The following BRD10 variants were observed in gnomAD, a reference collection of about 807,000 sequenced individuals.
BRD10 encodes the protein uncharacterized bromodomain-containing protein 10.
At chr9:5,954,720 A>C in the BRD10 span, among the ~76,000 whole-genome samples, 1 of 152,222 alleles carries the variant, frequency 6.6e-6, no homozygotes, top group Non-Finnish European at 1.5e-5. Context: ...TCATACTTAG[A>C]GCCAATTCAC....
chr9:5,920,691 G>A, the BRD10 span: 3 of 1,613,834 alleles, frequency 1.9e-6, no homozygotes, highest in East Asian at 2.2e-5. Context: ...GTGGCTCCTG[G>A]TACTGCTGCC....
chr9:5,949,681 AGG>A, the BRD10 span, among the ~76,000 whole-genome samples: 4 of 152,176 alleles, frequency 2.6e-5, no homozygotes, highest in Non-Finnish European at 5.9e-5. Flanking sequence ...AAGCAGACTT[AGG>A]GTAACTAAGG....
At chr9:6,001,393 T>C in the BRD10 span, among the ~76,000 whole-genome samples, 2 of 152,240 alleles carry the variant, frequency 1.3e-5, no homozygotes, top group African/African-American at 2.4e-5. Context: ...CGGTACTTTA[T>C]GATTGGCCCC....
At chr9:5,969,370 T>C in the BRD10 span, 1 of 1,608,684 alleles carries the variant, frequency 6.2e-7, no homozygotes, top group Middle Eastern at 1.7e-4. Context: ...CTAGAAGTTT[T>C]CTTTCCCATT....
the BRD10 span, among the ~76,000 whole-genome samples, chr9:5,934,586 G>T: frequency 6.6e-6 from 1 of 151,932 alleles, no homozygotes; most frequent in African/African-American, 2.4e-5. Flanking sequence ...GGCTGGTCTT[G>T]AACTTCTGAC....
At chr9:5,947,188 C>T in the BRD10 span, among the ~76,000 whole-genome samples, 1 of 152,058 alleles carries the variant, frequency 6.6e-6, no homozygotes, top group Non-Finnish European at 1.5e-5. Context: ...GTAAACTGTA[C>T]TAAATTAGTA....
the BRD10 span, among the ~76,000 whole-genome samples, chr9:5,975,096 G>A: frequency 6.6e-6 from 1 of 152,030 alleles, no homozygotes; most frequent in Non-Finnish European, 1.5e-5. Flanking sequence ...GACCCATGAT[G>A]AGAAAAATCA....
At chr9:5,941,967 A>T in the BRD10 span, among the ~76,000 whole-genome samples, 9 of 152,038 alleles carry the variant, frequency 5.9e-5, no homozygotes, top group African/African-American at 1.9e-4. Context: ...CACACGTGTA[A>T]TTTCTATCTT....
chr9:5,928,826 G>A, the BRD10 span, among the ~76,000 whole-genome samples: 1 of 103,182 alleles, frequency 9.7e-6, no homozygotes, highest in East Asian at 2.1e-4. Flanking sequence ...ATTTGAGTGT[G>A]TTTTTTTCCA....
chr9:5,963,905 C>T, the BRD10 span, among the ~76,000 whole-genome samples: 1 of 151,462 alleles, frequency 6.6e-6, no homozygotes, highest in Non-Finnish European at 1.5e-5. Flanking sequence ...AAAATCAATT[C>T]AAGATGGATT....
chr9:5,954,146 T>G, the BRD10 span: 1 of 1,025,374 alleles, frequency 9.8e-7, no homozygotes, highest in Non-Finnish European at 1.5e-6. Context: ...TAGCACTTCA[T>G]TAACAAAAAA....
the BRD10 span, chr9:5,922,007 G>C: frequency 2.5e-6 from 4 of 1,613,896 alleles, no homozygotes; most frequent in African/African-American, 5.3e-5. Context: ...AAAAGCAGAG[G>C]AAGAAGTTGT....
At chr9:5,882,516 C>G in the BRD10 span, among the ~76,000 whole-genome samples, 6 of 152,170 alleles carry the variant, frequency 3.9e-5, no homozygotes, top group African/African-American at 1.4e-4. Context: ...CAAAAGACTG[C>G]AAAACCACAG....
At chr9:5,909,097 T>C in the BRD10 span, 90 of 252,854 alleles carry the variant, frequency 3.6e-4, no homozygotes, top group African/African-American at 1.9e-3. Flanking sequence ...CGACATGAAC[T>C]GTACACAGAA....
At chr9:5,914,032 T>C in the BRD10 span, 5 of 453,434 alleles carry the variant, frequency 1.1e-5, no homozygotes, top group Admixed American at 1.2e-4. Context: ...GAAAGTTGGA[T>C]GGCAGCTTGG....
chr9:5,900,575 T>C, the BRD10 span, among the ~76,000 whole-genome samples: 1 of 152,214 alleles, frequency 6.6e-6, no homozygotes, highest in Non-Finnish European at 1.5e-5. Context: ...TGACATTAAA[T>C]ATGAGCTTTG....
chr9:5,921,071 G>C, the BRD10 span: 1 of 1,613,774 alleles, frequency 6.2e-7, no homozygotes, highest in African/African-American at 1.3e-5. Context: ...AGAAACCACT[G>C]ATTCATTAAC....
At chr9:5,917,558 G>A in the BRD10 span, among the ~76,000 whole-genome samples, 1 of 152,238 alleles carries the variant, frequency 6.6e-6, no homozygotes, top group East Asian at 1.9e-4. Flanking sequence ...TAGTGGCTGG[G>A]TGCAGTGGCT....
At chr9:5,986,281 T>C in the BRD10 span, among the ~76,000 whole-genome samples, 54 of 152,210 alleles carry the variant, frequency 3.5e-4, 1 homozygote, top group Non-Finnish European at 2.5e-4. Flanking sequence ...GCTTCATCCA[T>C]GTCCCTGCAA....
Sources: gnomAD v4.1 joint callset for allele counts (sites outside exome capture counted in the v4.1 genomes callset) on GRCh38, gnomAD v4.1.1 for gene constraint, MANE v1.5 for transcripts, NCBI Gene and HGNC (gene_info 2026-07-23, HGNC 2026-07-21) for gene names.